Variants in ST8SIA5 observed in about 807,000 individuals in gnomAD.
ST8SIA5 encodes alpha-2,8-sialyltransferase 8E.
Under a neutral mutation model 40.2 loss-of-function variants are expected in ST8SIA5, and 24 were observed. The observed-to-expected ratio is 0.60, with a 90% confidence interval of 0.43 to 0.84. The LOEUF is 0.84. ST8SIA5 is among the 40% of genes least tolerant of loss of function. The pLI is 0.00. For synonymous variants in ST8SIA5, 198 were observed against 201.8 expected (o/e 0.98, Z 0.16); for missense variants, 465 against 498.5 (o/e 0.93, Z 0.64).
At position 46,679,922 on chromosome 18, in the gene ST8SIA5, T is replaced by A; in HGVS notation, c.*120A>T. The A allele has an allele frequency of 1.1e-6, 1 of 947,744 alleles. No homozygotes were observed. The highest frequency in any genetic ancestry group is 1.5e-6 in the Non-Finnish European group (1 of 649,362). 58.7% of individuals were successfully genotyped at this position (947,744 alleles called of 1,614,324 possible). A position where few individuals can be genotyped will look rare whatever the true frequency, so the allele number is the denominator to read the frequency against. On this transcript the variant is annotated 3_prime_UTR_variant, in exon 7 of 7. Transcript: ENST00000315087. ...AGGATCCAAGTACAGAGCTGAACAA[T>A]GGAGGGAGAGACAGCCTGAACGCCA...
intron 2 of ST8SIA5, among the ~76,000 whole-genome samples, chr18:46,697,419 G>A (rs896231004): frequency 1.3e-5 from 2 of 152,164 alleles, no homozygotes; most frequent in African/African-American, 4.8e-5. Context: ...TTCACCAGAA[G>A]AGCTGGAAGA....
intron 1 of ST8SIA5, among the ~76,000 whole-genome samples, chr18:46,714,727 G>C (rs2039769495): frequency 6.6e-6 from 1 of 152,190 alleles, no homozygotes; most frequent in Non-Finnish European, 1.5e-5. Flanking sequence ...AGCCCTATGG[G>C]GACCTGTGAG....
intron 5 of ST8SIA5, among the ~76,000 whole-genome samples, chr18:46,685,490 G>T (rs2039437270): frequency 6.6e-6 from 1 of 152,118 alleles, no homozygotes; most frequent in Non-Finnish European, 1.5e-5. Flanking sequence ...GGCTGGGGTT[G>T]GACAGCCAAG....
intron 1 of ST8SIA5, among the ~76,000 whole-genome samples, chr18:46,731,425 C>T (rs1268028270): frequency 2.0e-5 from 3 of 152,182 alleles, no homozygotes; most frequent in Non-Finnish European, 4.4e-5. Context: ...ACTGCTACTA[C>T]CCATACCCCT....
chr18:46,748,374 G>A (rs1005124488), intron 1 of ST8SIA5, among the ~76,000 whole-genome samples: 1 of 151,956 alleles, frequency 6.6e-6, no homozygotes, highest in Non-Finnish European at 1.5e-5. Context: ...GACTAGTCTG[G>A]CCAACATGGT....
At chr18:46,742,440 A>AT (rs1296482753) in intron 1 of ST8SIA5, among the ~76,000 whole-genome samples, 4 of 152,146 alleles carry the variant, frequency 2.6e-5, no homozygotes, top group Non-Finnish European at 5.9e-5. Flanking sequence ...AAAAAAAAAT[A>AT]GCAGAATTGG....
At chr18:46,701,041 T>C (rs2039608449) in intron 2 of ST8SIA5, among the ~76,000 whole-genome samples, 1 of 151,780 alleles carries the variant, frequency 6.6e-6, no homozygotes, top group African/African-American at 2.4e-5. Context: ...ACAGGGGCTG[T>C]TGTGGGCTGA....
chr18:46,693,034 A>G (rs1028051857), intron 2 of ST8SIA5, among the ~76,000 whole-genome samples: 6 of 151,168 alleles, frequency 4.0e-5, no homozygotes, highest in Non-Finnish European at 7.4e-5. Flanking sequence ...TCTCACCCAC[A>G]CTTTCCCCTC....
intron 1 of ST8SIA5, 54 bp downstream of exon 1, chr18:46,756,324 C>G: frequency 1.3e-6 from 2 of 1,599,580 alleles, no homozygotes; most frequent in South Asian, 2.2e-5. Flanking sequence ...CACTGCCACC[C>G]GGGGGCTCGC....
At chr18:46,711,431 A>G (rs1246550465) in intron 1 of ST8SIA5, among the ~76,000 whole-genome samples, 1 of 152,218 alleles carries the variant, frequency 6.6e-6, no homozygotes, top group Non-Finnish European at 1.5e-5. Flanking sequence ...GCACTGGAAA[A>G]GAAACCTGAG....
At chr18:46,745,226 T>C (rs557288436) in intron 1 of ST8SIA5, among the ~76,000 whole-genome samples, 2 of 151,922 alleles carry the variant, frequency 1.3e-5, no homozygotes, top group African/African-American at 4.8e-5. Context: ...AAAGCAGAAC[T>C]GAAGGAGATA....
rs755571106 is a variant in ST8SIA5, at chr18:46,701,130, C to CTTTTTTTT, written c.224+3434_224+3441dup. The stretch of plus-strand genomic sequence containing the variant: ...ATGAAACCGTATTTGGAGATAGGGC[C>CTTTTTTTT]TTTTTTTTTTTTTTTTTTTTTTTTT... On this transcript the variant is annotated intron_variant, in intron 2 of 6. Transcript: ENST00000315087. Among the ~76,000 whole-genome samples, 5 of 45,794 alleles carry CTTTTTTTT rather than the reference C, an allele frequency of 1.1e-4. 2 individuals are homozygous for CTTTTTTTT. The highest frequency in any genetic ancestry group is 4.3e-4 in the African/African-American group (5 of 11,742). 30.0% of individuals were successfully genotyped at this position (45,794 alleles called of 152,430 possible).
rs1352935832 is a variant in ST8SIA5, at chr18:46,669,784, G to C, written c.*10258C>G. On this transcript the variant is annotated 3_prime_UTR_variant, in exon 7 of 7. Coordinates refer to ENST00000315087, the MANE Select transcript of ST8SIA5 (RefSeq NM_013305.6). ...GGGAAAATGTTAAGTTCAAAAGAGTGAGTTTGGCCGGGCACGGTGGCCCAC... is the reference window on the plus strand; with the variant it reads ...GGGAAAATGTTAAGTTCAAAAGAGTCAGTTTGGCCGGGCACGGTGGCCCAC... 1 of 152,190 alleles carries C rather than the reference G, an allele frequency of 6.6e-6. No individual in the cohort carries two copies. Among genetic ancestry groups the C allele is most frequent in the East Asian group, 1.9e-4 (1 of 5,168 alleles). The allele number at this position is 152,190 out of a possible 1,614,324, so 9.4% of individuals were successfully genotyped here. A position where few individuals can be genotyped will look rare whatever the true frequency, so the allele number is the denominator to read the frequency against.
chr18:46,689,528 T>A (rs2039482490), intron 3 of ST8SIA5, among the ~76,000 whole-genome samples: 1 of 152,010 alleles, frequency 6.6e-6, no homozygotes, highest in South Asian at 2.1e-4. Context: ...TCTAATCCTC[T>A]GTAATTTGTG....
chr18:46,734,404 C>G (rs1420203673), intron 1 of ST8SIA5, among the ~76,000 whole-genome samples: 1 of 152,010 alleles, frequency 6.6e-6, no homozygotes, highest in Non-Finnish European at 1.5e-5. Flanking sequence ...CCCACCTCCC[C>G]CCACCCCTGC....
chr18:46,701,852 T>TA (rs1217814901), intron 2 of ST8SIA5, among the ~76,000 whole-genome samples: 3 of 152,106 alleles, frequency 2.0e-5, no homozygotes, highest in Admixed American at 2.0e-4. Flanking sequence ...TTTTATAATT[T>TA]AAAAAAATTA....
chr18:46,681,253 T>C (rs1299583300), intron 6 of ST8SIA5, among the ~76,000 whole-genome samples: 5 of 152,154 alleles, frequency 3.3e-5, no homozygotes, highest in Middle Eastern at 3.2e-3. Flanking sequence ...GCTGTGGTTA[T>C]AGGCATGAGC....
intron 2 of ST8SIA5, among the ~76,000 whole-genome samples, chr18:46,702,602 C>G (rs1019771503): frequency 6.6e-6 from 1 of 152,226 alleles, no homozygotes; most frequent in Non-Finnish European, 1.5e-5. Context: ...ACAGACTGTT[C>G]CCTCCACCTG....
At chr18:46,729,869 G>A (rs374549853) in intron 1 of ST8SIA5, among the ~76,000 whole-genome samples, 7 of 152,110 alleles carry the variant, frequency 4.6e-5, no homozygotes, top group African/African-American at 1.4e-4. Context: ...TGGGGTCCTC[G>A]GAAGAGTCCA....
Sources: allele counts gnomAD v4.1 joint callset (sites outside exome capture counted in the v4.1 genomes callset), GRCh38; gene constraint gnomAD v4.1.1; transcripts MANE v1.5; gene names NCBI Gene and HGNC (gene_info 2026-07-23, HGNC 2026-07-21).